The following VWA8 variants were observed in gnomAD, a reference collection of about 807,000 sequenced individuals.
VWA8 encodes von Willebrand factor A domain containing 8.
VWA8 carries 221 observed loss-of-function variants against 241.5 expected under a neutral mutation model. That is an observed-to-expected ratio of 0.91 (90% confidence interval 0.82 to 1.02). The LOEUF is 1.02. VWA8 is among the 50% of genes least tolerant of loss of function. The pLI is 0.00. For missense variants in VWA8, 2,322 were observed against 2,328.7 expected (o/e 1.00, Z 0.06); for synonymous variants, 852 against 827.1 (o/e 1.03, Z -0.52).
chr13:41,891,434 C>A lies in VWA8; in HGVS notation c.637G>T (p.Asp213Tyr). Residue 213 changes from aspartate (D) to tyrosine (Y), a missense_variant, in exon 5 of 45, where the codon GAC becomes TAC. Coordinates refer to ENST00000379310, the MANE Select transcript of VWA8 (RefSeq NM_015058.2). ...TCTTTTCTTACTCGGAGAAGTTTGTCGTAACGCTCAGCAGACATCAGGAAG... is the reference window on the plus strand; with the variant it reads ...TCTTTTCTTACTCGGAGAAGTTTGTAGTAACGCTCAGCAGACATCAGGAAG... ...GRFLMSAERY[D>Y]KLLRDHTKKE... 5 of 1,614,096 alleles carry A rather than the reference C, an allele frequency of 3.1e-6. No individual in the cohort carries two copies. Among genetic ancestry groups the A allele is most frequent in the Non-Finnish European group, 4.2e-6 (5 of 1,179,996 alleles).
At chr13:41,574,768 A>G (rs899474555) in intron 43 of VWA8, among the ~76,000 whole-genome samples, 5 of 152,182 alleles carry the variant, frequency 3.3e-5, no homozygotes, top group African/African-American at 1.2e-4. Flanking sequence ...ATAAAGCCAA[A>G]TATGTGGATG....
intron 2 of VWA8, among the ~76,000 whole-genome samples, chr13:41,944,058 T>G (rs765534891): frequency 5.7e-4 from 86 of 151,642 alleles, no homozygotes; most frequent in Non-Finnish European, 1.0e-3. Flanking sequence ...TGAGCCAAGA[T>G]TGAGCCACTG....
At chr13:41,886,118 A>C (rs1874522661) in intron 7 of VWA8, 90 bp from the exon 8 acceptor site, 8 of 872,318 alleles carry the variant, frequency 9.2e-6, no homozygotes. Flanking sequence ...AATTTAATTA[A>C]TCTAAAAAAG....
chr13:41,892,656 C>T (rs1413939500), intron 4 of VWA8, among the ~76,000 whole-genome samples: 1 of 152,198 alleles, frequency 6.6e-6, no homozygotes, highest in Non-Finnish European at 1.5e-5. Context: ...TCATTAGTAC[C>T]TCATATGGGG....
At chr13:41,626,326 T>TA (rs375089687) in intron 37 of VWA8, among the ~76,000 whole-genome samples, 361 of 152,236 alleles carry the variant, frequency 2.4e-3, no homozygotes, top group African/African-American at 8.3e-3. Context: ...TCAACATTGT[T>TA]AAAATGGCTA....
intron 27 of VWA8, 86 bp from the exon 28 acceptor site, chr13:41,701,616 T>C (rs776094723): frequency 1.0e-4 from 132 of 1,294,408 alleles, no homozygotes; most frequent in Middle Eastern, 5.2e-4. Context: ...ATATAAACTT[T>C]AACATTCAAG....
At chr13:41,884,637 G>A (rs1874425292) in intron 8 of VWA8, among the ~76,000 whole-genome samples, 2 of 151,568 alleles carry the variant, frequency 1.3e-5, no homozygotes, top group Non-Finnish European at 2.9e-5. Flanking sequence ...AATAATGGGT[G>A]ATTGTAGGTG....
chr13:41,683,247 C>A (rs923615459), intron 35 of VWA8, among the ~76,000 whole-genome samples: 1 of 150,900 alleles, frequency 6.6e-6, no homozygotes, highest in Non-Finnish European at 1.5e-5. Context: ...TAGGCAACCA[C>A]TTGGCAATTA....
At chr13:41,738,539 TG>T (rs1314969096) in intron 21 of VWA8, among the ~76,000 whole-genome samples, 1 of 152,192 alleles carries the variant, frequency 6.6e-6, no homozygotes, top group Non-Finnish European at 1.5e-5. Context: ...GTCAAAGCCA[TG>T]CTGATAATCA....
chr13:41,605,236 A>G lies in VWA8; in HGVS notation c.4918T>C (p.Tyr1640His). Residue 1640 changes from tyrosine to histidine, a missense_variant, in exon 40 of 45, where the codon TAT becomes CAT. Physicochemically the swap from Tyr to His is moderately conservative, Grantham distance 83 (BLOSUM62 2). Transcript: ENST00000379310. ...CGAACAGCACCTGAAAACCTTTCAT[A>G]GGTTGCAGCATCGTATTCACTCATT... ...IQMSEYDAAT[Y>H]ERFSGAVRRQ... The G allele has an allele frequency of 6.2e-7, 1 of 1,613,198 alleles. No homozygotes were observed. Among genetic ancestry groups the G allele is most frequent in the Non-Finnish European group, 8.5e-7 (1 of 1,179,338 alleles).
At chr13:41,624,753 A>G (rs934013943) in intron 37 of VWA8, among the ~76,000 whole-genome samples, 2 of 152,344 alleles carry the variant, frequency 1.3e-5, no homozygotes, top group African/African-American at 4.8e-5. Flanking sequence ...ATTCTCTTTG[A>G]GAATCGAAAC....
intron 17 of VWA8, among the ~76,000 whole-genome samples, chr13:41,809,458 C>T (rs1870369123): frequency 6.6e-6 from 1 of 152,130 alleles, no homozygotes; most frequent in Non-Finnish European, 1.5e-5. Flanking sequence ...CATACACCTA[C>T]AGTGAACTCA....
At chr13:41,776,330 C>A (rs975723435) in intron 20 of VWA8, among the ~76,000 whole-genome samples, 1 of 152,100 alleles carries the variant, frequency 6.6e-6, no homozygotes, top group African/African-American at 2.4e-5. Flanking sequence ...GTACTTTGGG[C>A]TATATACAAC....
At chr13:41,624,352 C>A (rs1593657414) in intron 37 of VWA8, among the ~76,000 whole-genome samples, 1 of 152,112 alleles carries the variant, frequency 6.6e-6, no homozygotes, top group African/African-American at 2.4e-5. Flanking sequence ...GATATCAAAA[C>A]CTGGTAGAGA....
At chr13:41,778,843 T>C (rs1868747411) in intron 19 of VWA8, among the ~76,000 whole-genome samples, 1 of 137,676 alleles carries the variant, frequency 7.3e-6, no homozygotes, top group East Asian at 2.1e-4. Flanking sequence ...TTTTTTTTTT[T>C]TTTTTTTTTT....
intron 42 of VWA8, among the ~76,000 whole-genome samples, chr13:41,585,164 A>G (rs923204874): frequency 6.6e-6 from 1 of 152,082 alleles, no homozygotes; most frequent in African/African-American, 2.4e-5. Flanking sequence ...GTCTAGTTTC[A>G]TTAATAGTTC....
intron 37 of VWA8, among the ~76,000 whole-genome samples, chr13:41,641,196 G>C (rs1251733040): frequency 6.6e-6 from 1 of 152,212 alleles, no homozygotes; most frequent in Non-Finnish European, 1.5e-5. Flanking sequence ...CTGTGGGCAA[G>C]ATATGGCTAG....
In VWA8 at chr13:41,605,242, C is replaced by A; in HGVS notation, c.4912G>T (p.Ala1638Ser). The A allele has an allele frequency of 1.9e-6, 3 of 1,613,098 alleles. No homozygotes were observed. The highest frequency in any genetic ancestry group is 2.5e-6 in the Non-Finnish European group (3 of 1,179,318). ...GCACCTGAAAACCTTTCATAGGTTG[C>A]AGCATCGTATTCACTCATTTGGATC... ...KEIQMSEYDA[A>S]TYERFSGAVR... is the part of the protein sequence containing the mutation. The change falls in exon 40 of 45, where the codon GCA becomes TCA. Residue 1638 changes from alanine to serine, a missense_variant. By Grantham distance (99) the Ala-to-Ser change is moderately conservative. Transcript: ENST00000379310.
intron 37 of VWA8, among the ~76,000 whole-genome samples, chr13:41,640,174 T>C (rs2044786279): frequency 6.6e-6 from 1 of 152,100 alleles, no homozygotes. Context: ...ATGAACAAAA[T>C]GGAAAAGTGA....
Sources: allele counts gnomAD v4.1 joint callset (sites outside exome capture counted in the v4.1 genomes callset), GRCh38; gene constraint gnomAD v4.1.1; transcripts MANE v1.5; gene names NCBI Gene and HGNC (gene_info 2026-07-23, HGNC 2026-07-21).